VDR: variants seen among roughly 807,000 people sequenced by gnomAD.
VDR encodes vitamin D3 receptor.
VDR carries 19 observed loss-of-function variants against 39.7 expected under a neutral mutation model. That is an observed-to-expected ratio of 0.48 (90% confidence interval 0.33 to 0.70). VDR has a LOEUF of 0.70. Ranked by LOEUF, VDR falls within the 30% of genes least tolerant of loss-of-function variation. The pLI is 0.02. For missense variants in VDR, 442 were observed against 570.5 expected, an observed-to-expected ratio of 0.77 and a Z score of 2.29; for synonymous variants, 242 against 215.8, an observed-to-expected ratio of 1.12 and a Z score of -1.07.
At chr12:47,898,140 G>A (rs1436887731) in intron 1 of VDR, among the ~76,000 whole-genome samples, 1 of 152,094 alleles carries the variant, frequency 6.6e-6, no homozygotes, top group African/African-American at 2.4e-5. Flanking sequence ...GAGAGGAAGG[G>A]CTTCAACTGT....
chr12:47,882,587 G>A (rs1334511372), intron 2 of VDR, 107 bp downstream of exon 2: 2 of 974,164 alleles, frequency 2.1e-6, no homozygotes, highest in African/African-American at 1.7e-5. Flanking sequence ...AATCCTGGGT[G>A]GTATCCCTTC....
Position 47,857,556 on chromosome 12 carries a change from TC to T in VDR, c.409del (p.Asp137ThrfsTer23). ...GGGGTCGTAGGTCTTATGGTGGGCGTCCAGCAGTATGGCAATGATGCGCTGC... is the reference window on the plus strand; with the variant it reads ...GGGGTCGTAGGTCTTATGGTGGGCGTCAGCAGTATGGCAATGATGCGCTGC... ...EQQRIIAILL[D>X]AHHKTYDPTY... On this transcript the variant is annotated frameshift_variant, in exon 5 of 10. Transcript: ENST00000549336. LOFTEE classifies it high-confidence loss of function. The T allele has an allele frequency of 6.2e-7, 1 of 1,614,044 alleles. No individual in the cohort carries two copies. Among genetic ancestry groups the T allele is most frequent in the Non-Finnish European group, 8.5e-7 (1 of 1,180,000 alleles).
intron 2 of VDR, among the ~76,000 whole-genome samples, chr12:47,880,057 T>G (rs1946114104): frequency 6.6e-6 from 1 of 152,026 alleles, no homozygotes; most frequent in African/African-American, 2.4e-5. Context: ...CAGAGATGAT[T>G]CTGGGATACC....
At chr12:47,888,946 G>A (rs1195594606) in intron 1 of VDR, among the ~76,000 whole-genome samples, 3 of 152,184 alleles carry the variant, frequency 2.0e-5, no homozygotes, top group South Asian at 4.2e-4. Context: ...AAATGTTTGG[G>A]GCAATACATA....
At chr12:47,883,209 T>C (rs556565819) in intron 1 of VDR, among the ~76,000 whole-genome samples, 1 of 152,276 alleles carries the variant, frequency 6.6e-6, no homozygotes, top group South Asian at 2.1e-4. Flanking sequence ...TGTGTCCTGC[T>C]GCTAAGAGCG....
intron 3 of VDR, among the ~76,000 whole-genome samples, chr12:47,873,841 C>T (rs1462019008): frequency 6.6e-6 from 1 of 152,108 alleles, no homozygotes; most frequent in Non-Finnish European, 1.5e-5. Flanking sequence ...GAAGCAGAGG[C>T]TGTTTGAAGG....
At chr12:47,870,549 G>C (rs1180489537) in intron 3 of VDR, among the ~76,000 whole-genome samples, 1 of 152,196 alleles carries the variant, frequency 6.6e-6, no homozygotes, top group African/African-American at 2.4e-5. Context: ...AGAGGACATT[G>C]ACCGATTCTC....
intron 1 of VDR, among the ~76,000 whole-genome samples, chr12:47,890,873 T>C (rs1419401852): frequency 2.0e-5 from 3 of 151,900 alleles, no homozygotes. Flanking sequence ...GTGTGACATG[T>C]GCAGGAGGGA....
At chr12:47,855,936 C>T (rs1158533022) in intron 6 of VDR, 135 bp from the exon 7 acceptor site, 16 of 999,312 alleles carry the variant, frequency 1.6e-5, no homozygotes, top group Non-Finnish European at 2.3e-5. Flanking sequence ...CCACAGGTCA[C>T]CCTTCAGCCC....
chr12:47,891,639 A>G (rs1434599839), intron 1 of VDR, among the ~76,000 whole-genome samples: 2 of 152,232 alleles, frequency 1.3e-5, no homozygotes, highest in Non-Finnish European at 2.9e-5. Flanking sequence ...CAGTCAGAGA[A>G]GCTGAGCTAC....
rs895150856 is a variant in VDR at position 47,843,044 on chromosome 12, C to T, written c.*1702G>A. On this transcript the variant is annotated 3_prime_UTR_variant, in exon 10 of 10. Coordinates refer to ENST00000549336, the MANE Select transcript of VDR (RefSeq NM_000376.3). ...AATATCTCCAAATCAGTGGTACCTGCTACCCTGTATATTAGACTATAATAC... is the reference window on the plus strand; with the variant it reads ...AATATCTCCAAATCAGTGGTACCTGTTACCCTGTATATTAGACTATAATAC... 1 of 152,182 alleles carries T rather than the reference C, an allele frequency of 6.6e-6. No homozygotes were observed. The highest frequency in any genetic ancestry group is 2.4e-5 in the African/African-American group (1 of 41,436). 9.4% of individuals were successfully genotyped at this position (152,182 alleles called of 1,614,324 possible).
intron 1 of VDR, chr12:47,899,879 AT>A (rs1946529568): frequency 2.2e-5 from 22 of 981,874 alleles, no homozygotes; most frequent in Non-Finnish European, 2.7e-5. Context: ...AAGCAAAGCA[AT>A]GTGCACGGGG....
chr12:47,881,497 A>G (rs1946149247), intron 2 of VDR, among the ~76,000 whole-genome samples: 1 of 152,156 alleles, frequency 6.6e-6, no homozygotes, highest in African/African-American at 2.4e-5. Context: ...AAAAGTTCAG[A>G]AAAAAAGAAC....
At chr12:47,886,639 T>C (rs1274025853) in intron 1 of VDR, among the ~76,000 whole-genome samples, 3 of 152,250 alleles carry the variant, frequency 2.0e-5, no homozygotes, top group East Asian at 1.9e-4. Context: ...GAAATTATTT[T>C]CTACAGACCA....
intron 1 of VDR, among the ~76,000 whole-genome samples, chr12:47,889,655 G>T (rs1473473059): frequency 6.6e-6 from 1 of 151,620 alleles, no homozygotes; most frequent in Non-Finnish European, 1.5e-5. Context: ...GGGAAAAGTT[G>T]ATGAGACAAG....
intron 1 of VDR, among the ~76,000 whole-genome samples, chr12:47,890,972 T>C (rs901283060): frequency 8.5e-5 from 13 of 152,150 alleles, no homozygotes; most frequent in Admixed American, 2.6e-4. Context: ...GCAAACCTCT[T>C]TGAGGCCCAA....
At chr12:47,854,049 A>G (rs538523020) in intron 7 of VDR, among the ~76,000 whole-genome samples, 3 of 152,342 alleles carry the variant, frequency 2.0e-5, no homozygotes, top group Non-Finnish European at 4.4e-5. Context: ...ATAAAGGAGG[A>G]TCCCTTCTCC....
intron 9 of VDR, among the ~76,000 whole-genome samples, 153 bp downstream of exon 9, chr12:47,846,182 G>A (rs550947924): frequency 3.7e-4 from 56 of 152,318 alleles, no homozygotes; most frequent in African/African-American, 1.3e-3. Flanking sequence ...CACACCACAG[G>A]GGCTCTGCAA....
At chr12:47,861,165 A>T (rs1945618995) in intron 4 of VDR, among the ~76,000 whole-genome samples, 1 of 152,296 alleles carries the variant, frequency 6.6e-6, no homozygotes, top group South Asian at 2.1e-4. Flanking sequence ...ACATCTGGTT[A>T]TAAGCGGACT....
Sources: allele counts gnomAD v4.1 joint callset (sites outside exome capture counted in the v4.1 genomes callset), GRCh38; gene constraint gnomAD v4.1.1; transcripts MANE v1.5; gene names NCBI Gene and HGNC (gene_info 2026-07-23, HGNC 2026-07-21).